WDPCP: variants seen among roughly 807,000 people sequenced by gnomAD.
WDPCP encodes WD repeat-containing and planar cell polarity effector protein fritz homolog.
Under a neutral mutation model 93.1 loss-of-function variants are expected in WDPCP, and 71 were observed. The observed-to-expected ratio is 0.76, with a 90% CI of 0.63 to 0.93. The LOEUF is 0.93. Ranked by LOEUF, WDPCP falls within the 40% of genes least tolerant of loss-of-function variation. The pLI is 0.00. For missense variants in WDPCP, 844 were observed against 887.4 expected (o/e 0.95, Z 0.62); for synonymous variants, 315 against 315.0 (o/e 1.00, Z 0.00).
intron 14 of WDPCP, among the ~76,000 whole-genome samples, chr2:63,237,225 A>G (rs909387209): frequency 1.3e-5 from 2 of 152,086 alleles, no homozygotes; most frequent in Admixed American, 1.3e-4. Context: ...AAACATTAAA[A>G]ACATGCTTAA....
intron 2 of WDPCP, among the ~76,000 whole-genome samples, chr2:63,727,293 A>G (rs1477672128): frequency 6.6e-6 from 1 of 152,196 alleles, no homozygotes; most frequent in Non-Finnish European, 1.5e-5. Flanking sequence ...TTCTGAGTCT[A>G]CTGAGATAAT....
chr2:63,376,378 G>A (rs962235315), intron 12 of WDPCP, among the ~76,000 whole-genome samples: 2 of 151,814 alleles, frequency 1.3e-5, no homozygotes, highest in Admixed American at 6.6e-5. Flanking sequence ...ATCAAAGTAT[G>A]TCCAAAAAAT....
At chr2:63,719,280 T>C (rs890069534) in intron 2 of WDPCP, among the ~76,000 whole-genome samples, 2 of 152,114 alleles carry the variant, frequency 1.3e-5, no homozygotes, top group East Asian at 1.9e-4. Flanking sequence ...GTTATAGCCA[T>C]AGAGGATGGC....
intron 12 of WDPCP, among the ~76,000 whole-genome samples, chr2:63,318,628 T>C (rs924716652): frequency 7.3e-5 from 11 of 151,384 alleles, no homozygotes; most frequent in Non-Finnish European, 1.3e-4. Context: ...ATGGGTGGAG[T>C]TGGTGGCCAC....
intron 10 of WDPCP, 134 bp from the exon 11 acceptor site, chr2:63,382,228 TC>T (rs1450055695): frequency 1.3e-6 from 1 of 798,400 alleles, no homozygotes; most frequent in African/African-American, 1.7e-5. Flanking sequence ...GATCTCCTTC[TC>T]AACTAATATT....
At chr2:63,298,807 T>C (rs1575088430) in intron 13 of WDPCP, among the ~76,000 whole-genome samples, 1 of 152,174 alleles carries the variant, frequency 6.6e-6, no homozygotes, top group East Asian at 1.9e-4. Context: ...TGTTCAGTAT[T>C]GTGTGGAAAG....
intron 1 of WDPCP, among the ~76,000 whole-genome samples, chr2:63,583,488 C>A (rs1468815126): frequency 6.6e-6 from 1 of 152,086 alleles, no homozygotes; most frequent in Non-Finnish European, 1.5e-5. Flanking sequence ...TCGAGATCAT[C>A]TGACCAACAT....
intron 13 of WDPCP, among the ~76,000 whole-genome samples, chr2:63,286,388 C>A (rs1428151610): frequency 3.9e-5 from 6 of 152,180 alleles, no homozygotes. Flanking sequence ...TAATCTCCCC[C>A]ACCCTTAAGA....
chr2:63,523,536 A>C (rs1192907001), intron 1 of WDPCP, among the ~76,000 whole-genome samples: 1 of 152,238 alleles, frequency 6.6e-6, no homozygotes, highest in African/African-American at 2.4e-5. Flanking sequence ...AGATGATATG[A>C]TTCTATACCT....
At chr2:63,661,060 G>A (rs1710220838) in intron 2 of WDPCP, among the ~76,000 whole-genome samples, 1 of 152,122 alleles carries the variant, frequency 6.6e-6, no homozygotes, top group Admixed American at 6.5e-5. Context: ...TTGTGTGAAT[G>A]TATGAGTTAT....
At chr2:63,811,924 C>T (rs1461623466) in intron 2 of WDPCP, among the ~76,000 whole-genome samples, 1 of 152,102 alleles carries the variant, frequency 6.6e-6, no homozygotes, top group Non-Finnish European at 1.5e-5. Flanking sequence ...AGTAGAGTGG[C>T]ATAATCAAGG....
At chr2:63,352,391 T>C (rs1689698248) in intron 12 of WDPCP, among the ~76,000 whole-genome samples, 1 of 152,222 alleles carries the variant, frequency 6.6e-6, no homozygotes, top group Non-Finnish European at 1.5e-5. Context: ...AATGATATAA[T>C]TTCTGCTCCC....
At chr2:63,603,513 A>G (rs1289740920) in intron 3 of WDPCP, among the ~76,000 whole-genome samples, 1 of 152,074 alleles carries the variant, frequency 6.6e-6, no homozygotes, top group Admixed American at 6.6e-5. Context: ...ATTTTTCCAC[A>G]TTCCCTTCTG....
At chr2:63,496,460 C>T (rs904043634) in intron 1 of WDPCP, among the ~76,000 whole-genome samples, 2 of 152,114 alleles carry the variant, frequency 1.3e-5, no homozygotes, top group Non-Finnish European at 2.9e-5. Flanking sequence ...CTAAATTAAT[C>T]AAAAATTACA....
At chr2:63,234,358 G>A (rs1679195856) in intron 14 of WDPCP, among the ~76,000 whole-genome samples, 1 of 152,130 alleles carries the variant, frequency 6.6e-6, no homozygotes, top group South Asian at 2.1e-4. Context: ...GGAAAATGAG[G>A]CAGGATGATT....
At chr2:63,437,608 T>A (rs1430867626) in intron 7 of WDPCP, 54 bp from the exon 8 acceptor site, 1 of 1,476,812 alleles carries the variant, frequency 6.8e-7, no homozygotes, top group Non-Finnish European at 9.2e-7. Flanking sequence ...GAATAGATTT[T>A]TCCACTGATA....
chr2:63,457,508 A>G (rs1558660350), intron 6 of WDPCP, among the ~76,000 whole-genome samples: 1 of 152,234 alleles, frequency 6.6e-6, no homozygotes. Context: ...CAAAAAAGTA[A>G]AACTGCAGGC....
At chr2:63,492,492 C>A (rs1365917527) in intron 2 of WDPCP, among the ~76,000 whole-genome samples, 1 of 151,068 alleles carries the variant, frequency 6.6e-6, no homozygotes, top group Non-Finnish European at 1.5e-5. Context: ...TTTTACCATT[C>A]AATAAATTTT....
rs199664984 is a variant in WDPCP at position 63,321,931 on chromosome 2, C to T, written c.1749-8620G>A. Reference sequence around the variant, plus strand: ...TCACTTTACTGAGGTATTATTGACACAAAAAAAGCTGTACATATTTAATGT... The same window carrying T: ...TCACTTTACTGAGGTATTATTGACATAAAAAAAGCTGTACATATTTAATGT... On this transcript the variant is annotated intron_variant, in intron 12 of 17. Transcript: ENST00000272321. Among the ~76,000 whole-genome samples the T allele has an allele frequency of 7.2e-5, 11 of 151,994 alleles. No individual in the cohort carries two copies. The East Asian group carries it at 2.1e-3, about 29-fold the overall frequency.
Sources: allele counts gnomAD v4.1 joint callset (sites outside exome capture counted in the v4.1 genomes callset), GRCh38; gene constraint gnomAD v4.1.1; transcripts MANE v1.5; gene names NCBI Gene and HGNC (gene_info 2026-07-23, HGNC 2026-07-21).